The following LYN variants were observed in gnomAD, a reference collection of about 807,000 sequenced individuals.
The protein encoded by LYN is tyrosine-protein kinase Lyn.
In LYN, 12 loss-of-function variants were observed where a neutral mutation model predicts 65.0. The ratio of observed to expected loss-of-function variants is 0.18; its 90% confidence interval spans 0.12 to 0.30. The LOEUF is 0.30. Among genes scored for constraint, LYN ranks in the 10% least tolerant of loss-of-function variants. The pLI is 1.00. For missense variants in LYN, 380 were observed against 623.2 expected, an observed-to-expected ratio of 0.61 and a Z score of 4.16; for synonymous variants, 222 against 221.2, an observed-to-expected ratio of 1.00 and a Z score of -0.03.
chr8:55,918,342 C>G (rs1343546044), intron 1 of LYN, among the ~76,000 whole-genome samples: 1 of 152,176 alleles, frequency 6.6e-6, no homozygotes, highest in Admixed American at 6.6e-5. Flanking sequence ...TGTGTTTGTT[C>G]CCCTGTGGAG....
chr8:55,951,391 C>T (rs1164015627), intron 6 of LYN, among the ~76,000 whole-genome samples: 4 of 150,916 alleles, frequency 2.7e-5, no homozygotes, highest in Non-Finnish European at 5.9e-5. Context: ...TTAGGCTGGG[C>T]GTGGTGGCTC....
chr8:55,941,941 G>C lies in LYN; in HGVS notation c.82G>C (p.Glu28Gln). The C allele has an allele frequency of 6.2e-7, 1 of 1,613,408 alleles. No homozygotes were observed. The highest frequency in any genetic ancestry group is 8.5e-7 in the Non-Finnish European group (1 of 1,179,602). The change falls in exon 2 of 13, where the codon GAA becomes CAA. Residue 28 changes from glutamate (E) to glutamine (Q), a missense_variant. Physicochemically the swap from Glu to Gln is conservative, Grantham distance 29. Around this residue, in one of 2 missense-constraint regions of LYN, gnomAD observed 157 missense variants for 193.2 expected, o/e 0.81. Transcript: ENST00000519728. ...DLKTQPVRNT[E>Q]RTIYVRDPTS... ...GAAGACTCAACCAGTACGTAATACT[G>C]AAAGAACTATTTATGTGAGAGATCC...
intron 4 of LYN, 135 bp from the exon 5 acceptor site, chr8:55,950,324 T>C: frequency 4.9e-6 from 3 of 618,418 alleles, no homozygotes; most frequent in Admixed American, 2.9e-5. Context: ...GTCTATGTTT[T>C]CTTTATTTTT....
chr8:55,908,306 G>A (rs544417761), intron 1 of LYN, among the ~76,000 whole-genome samples: 7 of 151,696 alleles, frequency 4.6e-5, no homozygotes, highest in Admixed American at 2.0e-4. Flanking sequence ...GTGCAGTGGT[G>A]CAATCTCGAC....
intron 10 of LYN, 123 bp from the exon 11 acceptor site, chr8:55,998,223 T>G (rs763101290): frequency 2.1e-5 from 14 of 664,526 alleles, no homozygotes; most frequent in Non-Finnish European, 3.5e-5. Flanking sequence ...CTTTAAAAGC[T>G]GAATGATCAA....
chr8:55,967,196 T>A (rs550725166), intron 9 of LYN, among the ~76,000 whole-genome samples: 9 of 151,474 alleles, frequency 5.9e-5, no homozygotes, highest in Non-Finnish European at 1.2e-4. Context: ...TGAATTACTA[T>A]GTATTTCAAA....
chr8:55,992,176 C>G (rs1383600168), intron 10 of LYN, among the ~76,000 whole-genome samples: 1 of 152,182 alleles, frequency 6.6e-6, no homozygotes, highest in Non-Finnish European at 1.5e-5. Flanking sequence ...CTGGGCCTGA[C>G]ATTATAATGA....
chr8:55,985,935 G>A (rs1224977854), intron 10 of LYN, among the ~76,000 whole-genome samples: 2 of 152,180 alleles, frequency 1.3e-5, no homozygotes, highest in African/African-American at 4.8e-5. Context: ...GGGAGGCTGA[G>A]GCAGGAGGAT....
At chr8:55,939,009 C>T (rs1806520397) in intron 1 of LYN, among the ~76,000 whole-genome samples, 1 of 152,204 alleles carries the variant, frequency 6.6e-6, no homozygotes, top group South Asian at 2.1e-4. Context: ...TAGAAGAATA[C>T]TAAGGTGGAA....
At chr8:55,914,551 G>A (rs570845378) in intron 1 of LYN, among the ~76,000 whole-genome samples, 656 of 152,190 alleles carry the variant, frequency 4.3e-3, no homozygotes, top group African/African-American at 0.013. Context: ...CAGCCCTGCC[G>A]GCCATCCACA....
At chr8:55,982,511 C>T (rs570153068) in intron 10 of LYN, among the ~76,000 whole-genome samples, 1 of 152,086 alleles carries the variant, frequency 6.6e-6, no homozygotes, top group Non-Finnish European at 1.5e-5. Context: ...TCTTCTTTTC[C>T]ATTTCCAGAC....
At chr8:55,991,111 G>A (rs905639106) in intron 10 of LYN, among the ~76,000 whole-genome samples, 1 of 152,256 alleles carries the variant, frequency 6.6e-6, no homozygotes, top group East Asian at 1.9e-4. Context: ...GATGCTGCTC[G>A]GGGTCTGAGG....
In LYN at chr8:56,011,820, A is replaced by C. The variant is rs953875489; in HGVS notation, c.*1710A>C. 1 of 182,636 alleles carries C rather than the reference A, an allele frequency of 5.5e-6. No individual in the cohort carries two copies. The highest frequency in any genetic ancestry group is 9.0e-5 in the East Asian group (1 of 11,172). The allele number at this position is 182,636 out of a possible 1,614,324, so 11.3% of individuals were successfully genotyped here. A position where few individuals can be genotyped will look rare whatever the true frequency, so the allele number is the denominator to read the frequency against. ...AATATTACTGTTACATAATGTCTGC[A>C]CAGCTGGTCCCTTGATTCAGTGGTA... On this transcript the variant is annotated 3_prime_UTR_variant, in exon 13 of 13. Coordinates refer to ENST00000519728, the MANE Select transcript of LYN (RefSeq NM_002350.4).
chr8:55,940,550 A>G (rs1806580612), intron 1 of LYN, among the ~76,000 whole-genome samples: 1 of 151,822 alleles, frequency 6.6e-6, no homozygotes, highest in Admixed American at 6.6e-5. Context: ...TAATTTTTGT[A>G]TATTTAGTAG....
At chr8:55,934,343 C>A (rs1434718787) in intron 1 of LYN, among the ~76,000 whole-genome samples, 1 of 152,228 alleles carries the variant, frequency 6.6e-6, no homozygotes, top group African/African-American at 2.4e-5. Context: ...GTCTGTCTTC[C>A]ATCATTACTG....
chr8:55,947,985 T>A (rs1416848561), intron 4 of LYN, among the ~76,000 whole-genome samples: 1 of 151,988 alleles, frequency 6.6e-6, no homozygotes, highest in Non-Finnish European at 1.5e-5. Context: ...AAACAATTTT[T>A]TTTTTTGAGA....
At chr8:55,981,741 C>A (rs1319919565) in intron 10 of LYN, among the ~76,000 whole-genome samples, 2 of 152,136 alleles carry the variant, frequency 1.3e-5, no homozygotes, top group Non-Finnish European at 2.9e-5. Flanking sequence ...CTTCCTCTAA[C>A]TATAGGTTTA....
chr8:55,976,620 TGTCA>T (rs1807761467), intron 10 of LYN, among the ~76,000 whole-genome samples: 1 of 152,102 alleles, frequency 6.6e-6, no homozygotes, highest in African/African-American at 2.4e-5. Context: ...TGGCAAGGGC[TGTCA>T]GAGTGGGCAC....
At chr8:56,003,391 G>T (rs969433156) in intron 12 of LYN, among the ~76,000 whole-genome samples, 1 of 152,084 alleles carries the variant, frequency 6.6e-6, no homozygotes, top group Non-Finnish European at 1.5e-5. Context: ...TACTTTAGAA[G>T]CTATACAGGC....
Sources: allele counts gnomAD v4.1 joint callset (sites outside exome capture counted in the v4.1 genomes callset), GRCh38; gene constraint gnomAD v4.1.1; regional missense constraint gnomAD v4.1.1; transcripts MANE v1.5; gene names NCBI Gene and HGNC (gene_info 2026-07-23, HGNC 2026-07-21).